CYB5R4: variants seen among roughly 807,000 people sequenced by gnomAD.
CYB5R4 encodes N-terminal cytochrome b5 and cytochrome b5 oxidoreductase domain-containing protein.
In CYB5R4, 55 loss-of-function variants were observed where a neutral mutation model predicts 70.2. The ratio of observed to expected loss-of-function variants is 0.78; its 90% confidence interval spans 0.63 to 0.98. The LOEUF (loss-of-function observed/expected upper bound fraction) is 0.98, where lower values mean the gene tolerates loss of function less well. Ranked by LOEUF, CYB5R4 falls within the 50% of genes least tolerant of loss-of-function variation. CYB5R4 has a pLI of 0.00. For synonymous variants in CYB5R4, 197 were observed against 199.5 expected (o/e 0.99, Z 0.11); for missense variants, 562 against 612.6 (o/e 0.92, Z 0.87).
intron 14 of CYB5R4, among the ~76,000 whole-genome samples, chr6:83,944,480 C>T (rs1315622117): frequency 1.3e-5 from 2 of 152,174 alleles, no homozygotes; most frequent in Non-Finnish European, 2.9e-5. Flanking sequence ...ACTGCAGAAA[C>T]ATAGCAGAAT....
chr6:83,940,439 C>T, intron 13 of CYB5R4, 76 bp from the exon 14 acceptor site: 1 of 1,341,486 alleles, frequency 7.5e-7, no homozygotes, highest in Admixed American at 2.8e-5. Flanking sequence ...CACACTGGTT[C>T]ACTTTAGACT....
chr6:83,882,279 T>G (rs919906519), intron 2 of CYB5R4, among the ~76,000 whole-genome samples: 4 of 152,150 alleles, frequency 2.6e-5, no homozygotes, highest in African/African-American at 9.7e-5. Flanking sequence ...AATAACTAGA[T>G]GTCAGAAGTT....
intron 3 of CYB5R4, among the ~76,000 whole-genome samples, chr6:83,895,421 C>T (rs1001236829): frequency 5.9e-5 from 9 of 152,232 alleles, no homozygotes; most frequent in East Asian, 1.9e-4. Context: ...CTGCCTCAGC[C>T]GCCCTAAATG....
chr6:83,937,745 C>T (rs1443421845), intron 12 of CYB5R4, among the ~76,000 whole-genome samples: 1 of 152,198 alleles, frequency 6.6e-6, no homozygotes, highest in African/African-American at 2.4e-5. Context: ...TCTCGAACTC[C>T]TAACCTTAGA....
chr6:83,944,966 A>G (rs955759537), intron 14 of CYB5R4, among the ~76,000 whole-genome samples: 1 of 152,190 alleles, frequency 6.6e-6, no homozygotes, highest in Admixed American at 6.5e-5. Context: ...ACTTTCACAC[A>G]ATAATAGTGG....
At chr6:83,948,477 G>A (rs539644214) in intron 14 of CYB5R4, among the ~76,000 whole-genome samples, 4 of 152,116 alleles carry the variant, frequency 2.6e-5, no homozygotes, top group South Asian at 4.1e-4. Flanking sequence ...TAACCTGCAC[G>A]TTCTACACAT....
At chr6:83,934,242 A>T (rs566638226) in intron 10 of CYB5R4, among the ~76,000 whole-genome samples, 11 of 139,364 alleles carry the variant, frequency 7.9e-5, no homozygotes, top group Admixed American at 2.2e-4. Flanking sequence ...AAAAAAAATT[A>T]AAAAAAAAAA....
Position 83,899,565 on chromosome 6 carries a change from G to C in CYB5R4, c.330+5943G>C, listed in dbSNP as rs1415926742. Among the ~76,000 whole-genome samples the C allele has an allele frequency of 3.9e-5, 6 of 152,264 alleles. No individual in the cohort carries two copies. In the East Asian group the frequency reaches 1.2e-3, roughly 29 times the overall value. Reference sequence around the variant, plus strand: ...GTACCAGCTCCTCCTTGTACCTCTGGTAGAATTCGGCTGTGAATCCATCTG... The same window carrying C: ...GTACCAGCTCCTCCTTGTACCTCTGCTAGAATTCGGCTGTGAATCCATCTG... On this transcript the variant is annotated intron_variant, in intron 3 of 15. Coordinates refer to ENST00000369681, the MANE Select transcript of CYB5R4 (RefSeq NM_016230.4).
chr6:83,862,150 GATA>G (rs1474725571), intron 1 of CYB5R4, among the ~76,000 whole-genome samples: 2 of 152,208 alleles, frequency 1.3e-5, no homozygotes, highest in Non-Finnish European at 2.9e-5. Flanking sequence ...GATTCAATGA[GATA>G]ATGTTTCTCT....
intron 3 of CYB5R4, among the ~76,000 whole-genome samples, chr6:83,904,755 T>C (rs973007174): frequency 6.6e-6 from 1 of 152,228 alleles, no homozygotes; most frequent in Non-Finnish European, 1.5e-5. Context: ...TTGGTTCTTT[T>C]TCATGACGTC....
chr6:83,893,292 C>T (rs1334536277), intron 2 of CYB5R4, among the ~76,000 whole-genome samples: 2 of 152,104 alleles, frequency 1.3e-5, no homozygotes, highest in African/African-American at 4.8e-5. Context: ...TTGTCTCTGA[C>T]CTAGGAGTCT....
chr6:83,917,335 A>G (rs1339735645), intron 5 of CYB5R4, among the ~76,000 whole-genome samples: 1 of 152,268 alleles, frequency 6.6e-6, no homozygotes, highest in Admixed American at 6.5e-5. Flanking sequence ...ATTCAGTAGT[A>G]TCTTCTAAAG....
At chr6:83,897,611 C>G (rs955119889) in intron 3 of CYB5R4, among the ~76,000 whole-genome samples, 1 of 152,168 alleles carries the variant, frequency 6.6e-6, no homozygotes, top group Non-Finnish European at 1.5e-5. Flanking sequence ...GATGGTATCT[C>G]ATTGTGGTTT....
chr6:83,872,758 C>G (rs1443128300), intron 2 of CYB5R4, among the ~76,000 whole-genome samples: 5 of 152,202 alleles, frequency 3.3e-5, no homozygotes, highest in Admixed American at 2.0e-4. Context: ...ATCAAGTTCC[C>G]ATTGCTGGTA....
At chr6:83,940,417 C>T in intron 13 of CYB5R4, 98 bp from the exon 14 acceptor site, 1 of 1,164,380 alleles carries the variant, frequency 8.6e-7, no homozygotes, top group Non-Finnish European at 1.2e-6. Context: ...ACCTACTGGG[C>T]ACTAAAACAT....
Position 83,964,185 on chromosome 6 carries a change from G to T in CYB5R4, c.*4307G>T, listed in dbSNP as rs2099473735. ...TACCGGGAAATGTGGAAGCAACTTT[G>T]GAACTTGGTAACAGGCAGAGATTGG... On this transcript the variant is annotated 3_prime_UTR_variant, in exon 16 of 16. Coordinates refer to ENST00000369681, the MANE Select transcript of CYB5R4 (RefSeq NM_016230.4). The T allele has an allele frequency of 6.4e-6, 1 of 156,146 alleles. No homozygotes were observed. The highest frequency in any genetic ancestry group is 2.4e-5 in the African/African-American group (1 of 41,590). The allele number at this position is 156,146 out of a possible 1,614,324, so 9.7% of individuals were successfully genotyped here.
chr6:83,874,050 CT>C (rs2129129764), intron 2 of CYB5R4, among the ~76,000 whole-genome samples: 1 of 151,686 alleles, frequency 6.6e-6, no homozygotes, highest in African/African-American at 2.4e-5. Flanking sequence ...CATATTCTGT[CT>C]TCTCCTTTTT....
chr6:83,923,948 T>TA (rs1338411078), intron 9 of CYB5R4, among the ~76,000 whole-genome samples: 1 of 150,534 alleles, frequency 6.6e-6, no homozygotes, highest in African/African-American at 2.4e-5. Context: ...TGGGCGCCTG[T>TA]AGTCCCAGCT....
At chr6:83,893,837 G>C (rs1282145951) in intron 3 of CYB5R4, among the ~76,000 whole-genome samples, 1 of 152,152 alleles carries the variant, frequency 6.6e-6, no homozygotes, top group Admixed American at 6.5e-5. Flanking sequence ...CTGCGACTAG[G>C]GGTCTTCTTT....
Sources: allele counts gnomAD v4.1 joint callset (sites outside exome capture counted in the v4.1 genomes callset), GRCh38; gene constraint gnomAD v4.1.1; transcripts MANE v1.5; gene names NCBI Gene and HGNC (gene_info 2026-07-23, HGNC 2026-07-21).